Variants in TOPBP1 observed in about 807,000 individuals in gnomAD.
The protein encoded by TOPBP1 is DNA topoisomerase 2-binding protein 1.
A neutral mutation model predicts 167.7 loss-of-function variants in TOPBP1; 28 were observed. The observed-to-expected ratio is 0.17, with a 90% CI of 0.12 to 0.23. The LOEUF is 0.23. Among genes scored for constraint, TOPBP1 ranks in the 10% least tolerant of loss-of-function variants. The probability of loss-of-function intolerance (pLI) is 1.00; values close to 1 mark genes in which losing one functional copy is unlikely to be tolerated. For missense variants in TOPBP1, 1,554 were observed against 1,809.6 expected, an observed-to-expected ratio of 0.86 and a Z score of 2.56; for synonymous variants, 598 against 611.4, an observed-to-expected ratio of 0.98 and a Z score of 0.32.
chr3:133,616,082 TAAG>T (rs1425855468), intron 23 of TOPBP1, among the ~76,000 whole-genome samples: 2 of 151,778 alleles, frequency 1.3e-5, no homozygotes, highest in African/African-American at 2.4e-5. Flanking sequence ...TAATGTTACA[TAAG>T]AAGGAGCTCT....
At position 133,623,466 on chromosome 3, in the gene TOPBP1, C is replaced by A; in HGVS notation, c.2929-9G>T. On this transcript the variant is annotated splice_polypyrimidine_tract_variant and intron_variant, in intron 17 of 27. Coordinates refer to ENST00000260810, the MANE Select transcript of TOPBP1 (RefSeq NM_007027.4). ...TTACACTCTTGGGCACACTGCAATA[C>A]AATGGTGTGCTTTAAGACAGGACTG... 6.2e-7 allele frequency: 1 copy of A among 1,602,644 alleles called. No homozygotes were observed. The highest frequency in any genetic ancestry group is 8.5e-7 in the Non-Finnish European group (1 of 1,173,288).
Position 133,637,916 on chromosome 3 carries a change from A to T in TOPBP1, c.2480T>A (p.Leu827Gln). 1 of 1,613,976 alleles carries T rather than the reference A, an allele frequency of 6.2e-7. No individual in the cohort carries two copies. The highest frequency in any genetic ancestry group is 8.5e-7 in the Non-Finnish European group (1 of 1,179,864). The change falls in exon 14 of 28, where the codon CTG (leucine) becomes CAG (glutamine). Residue 827 changes from leucine (L) to glutamine (Q), a missense_variant. Transcript: ENST00000260810. ...AGGCTTGAAGAGTTTGTCCTTGGAC[A>T]GGAATTTTGATGGTGTATCCAGGTG... ...SLHLDTPSKF[L>Q]SKDKLFKPSF...
intron 25 of TOPBP1, among the ~76,000 whole-genome samples, chr3:133,609,506 C>A (rs1386357195): frequency 6.6e-6 from 1 of 152,050 alleles, no homozygotes; most frequent in Non-Finnish European, 1.5e-5. Flanking sequence ...GTGTCCCCAC[C>A]CAAAATCTCA....
At chr3:133,618,065 C>G (rs745690569) in intron 21 of TOPBP1, 148 bp downstream of exon 21, 45 of 641,594 alleles carry the variant, frequency 7.0e-5, no homozygotes, top group Non-Finnish European at 1.1e-4. Flanking sequence ...ATTTTTCTGG[C>G]TCAAGTTTAA....
intron 12 of TOPBP1, among the ~76,000 whole-genome samples, chr3:133,641,872 A>T (rs927475493): frequency 6.6e-6 from 1 of 152,250 alleles, no homozygotes; most frequent in Non-Finnish European, 1.5e-5. Flanking sequence ...ACGAATTATT[A>T]TAAGGTGAAA....
intron 23 of TOPBP1, among the ~76,000 whole-genome samples, chr3:133,615,704 A>C (rs950077336): frequency 3.3e-5 from 5 of 152,122 alleles, no homozygotes; most frequent in African/African-American, 4.8e-5. Flanking sequence ...ATAAAAAAAA[A>C]CTCACTGATA....
intron 19 of TOPBP1, 27 bp from the exon 20 acceptor site, chr3:133,620,374 C>A: frequency 3.1e-6 from 5 of 1,597,216 alleles, no homozygotes; most frequent in Non-Finnish European, 4.3e-6. Flanking sequence ...ATACACCATT[C>A]AAGGTAAGTT....
At chr3:133,610,627 A>T (rs58200773) in intron 25 of TOPBP1, among the ~76,000 whole-genome samples, 16,156 of 146,428 alleles carry the variant, frequency 0.11, 944 homozygotes, top group Middle Eastern at 0.17. Context: ...ATGTAGGCTG[A>T]TTAAAATTTA....
chr3:133,637,738 A>T (rs977115828), intron 14 of TOPBP1, 138 bp downstream of exon 14: 1 of 901,922 alleles, frequency 1.1e-6, no homozygotes, highest in African/African-American at 1.7e-5. Context: ...CAAAACGTTC[A>T]AACTCAGTAA....
chr3:133,633,993 A>G (rs1935581480), intron 14 of TOPBP1, among the ~76,000 whole-genome samples: 1 of 152,136 alleles, frequency 6.6e-6, no homozygotes, highest in African/African-American at 2.4e-5. Flanking sequence ...AGGCATCTCA[A>G]ACTTAATGTG....
chr3:133,611,038 T>A lies in TOPBP1; in HGVS notation c.4139A>T (p.Lys1380Ile). The change falls in exon 25 of 28, where the codon AAA (lysine) becomes ATA (isoleucine). Residue 1380 changes from lysine to isoleucine, a missense_variant. By Grantham distance (102) the Lys-to-Ile change is moderately radical (BLOSUM62 -3). Transcript: ENST00000260810. ...GCCAGATTCTTGTCTTTGCTGGATT[T>A]TTTTTCTCCATCTCATTGCTGCAAG... ...LALAAMRWRK[K>I]IQQRQESGIV... 6.2e-7 allele frequency: 1 copy of A among 1,613,296 alleles called. No individual in the cohort carries two copies. Among genetic ancestry groups the A allele is most frequent in the South Asian group, 1.1e-5 (1 of 90,950 alleles).
At chr3:133,650,008 A>G in intron 8 of TOPBP1, 65 bp from the exon 9 acceptor site, 1 of 1,300,772 alleles carries the variant, frequency 7.7e-7, no homozygotes, top group Non-Finnish European at 1.0e-6. Flanking sequence ...AACTAAAAAT[A>G]TATATCTAAA....
chr3:133,606,495 C>CTTTTTT (rs750468980), intron 27 of TOPBP1, among the ~76,000 whole-genome samples: 3 of 125,458 alleles, frequency 2.4e-5, no homozygotes, highest in African/African-American at 6.0e-5. Flanking sequence ...CACTCTAGGC[C>CTTTTTT]TTTTTTTTTT....
In TOPBP1 at chr3:133,653,426, T is replaced by C. The variant is rs1251777506; in HGVS notation, c.841A>G (p.Ile281Val). 1.9e-6 allele frequency: 3 copies of C among 1,613,352 alleles called. No individual in the cohort carries two copies. ...TCTGGTCTAGGTTCTGTCTTGTATATGGATTCATCCTGACAAAAACCTTTC... is the reference window on the plus strand; with the variant it reads ...TCTGGTCTAGGTTCTGTCTTGTATACGGATTCATCCTGACAAAAACCTTTC... The part of the protein sequence containing the change: ...IEKGFCQDES[I>V]YKTEPRPEAK... Residue 281 changes from isoleucine to valine, a missense_variant, in exon 7 of 28, where the codon ATA becomes GTA. By Grantham distance (29) the Ile-to-Val change is conservative. This residue lies in a region of TOPBP1 where 1,197 missense variants were observed against 1,351.5 expected (regional missense o/e 0.89). Coordinates refer to ENST00000260810, the MANE Select transcript of TOPBP1 (RefSeq NM_007027.4).
At position 133,657,779 on chromosome 3, in the gene TOPBP1, T is replaced by C. The variant is rs879092153; in HGVS notation, c.363+19A>G. On this transcript the variant is annotated intron_variant, in intron 4 of 27. Transcript: ENST00000260810. ...GATAGATATATAAATTGATCAATCA[T>C]CATGAGATCAATATCTACCCTTTTT... 6.6e-7 allele frequency: 1 copy of C among 1,514,770 alleles called. No homozygotes were observed. The highest frequency in any genetic ancestry group is 2.4e-5 in the Admixed American group (1 of 42,076). 93.8% of individuals were successfully genotyped at this position (1,514,770 alleles called of 1,614,324 possible).
rs897533638 is a variant in TOPBP1 at position 133,620,142 on chromosome 3, G to A, written c.3371+13C>T. 6.3e-7 allele frequency: 1 copy of A among 1,591,042 alleles called. No homozygotes were observed. Among genetic ancestry groups the A allele is most frequent in the Non-Finnish European group, 8.6e-7 (1 of 1,168,342 alleles). ...GTCATCTAGTCTTTCTGCCATCAGT[G>A]ACAGGTACACACCTCAGTGCCTCTA... On this transcript the variant is annotated intron_variant, in intron 20 of 27. Transcript: ENST00000260810.
At chr3:133,647,703 T>C (rs1339068447) in intron 10 of TOPBP1, among the ~76,000 whole-genome samples, 1 of 152,082 alleles carries the variant, frequency 6.6e-6, no homozygotes, top group Non-Finnish European at 1.5e-5. Context: ...TGACAGACTA[T>C]TTAAAAAGCT....
chr3:133,623,978 G>T, intron 17 of TOPBP1, 74 bp downstream of exon 17: 1 of 1,496,578 alleles, frequency 6.7e-7, no homozygotes, highest in Non-Finnish European at 8.9e-7. Context: ...GAAAACTCTT[G>T]AGTTAGTGCT....
At chr3:133,651,214 T>C (rs1291588158) in intron 8 of TOPBP1, among the ~76,000 whole-genome samples, 7 of 148,498 alleles carry the variant, frequency 4.7e-5, no homozygotes, top group Non-Finnish European at 8.9e-5. Context: ...GAGATGGAGT[T>C]TCACTCTTGT....
Sources: gnomAD v4.1 joint callset for allele counts (sites outside exome capture counted in the v4.1 genomes callset) on GRCh38, gnomAD v4.1.1 for gene constraint, gnomAD v4.1.1 regional missense constraint, MANE v1.5 for transcripts, NCBI Gene and HGNC (gene_info 2026-07-23, HGNC 2026-07-21) for gene names.